The following CBFA2T2 variants were observed in gnomAD, a reference collection of about 807,000 sequenced individuals.
The protein encoded by CBFA2T2 is CBFA2/RUNX1 partner transcriptional co-repressor 2.
A neutral mutation model predicts 62.2 loss-of-function variants in CBFA2T2; 11 were observed. The observed-to-expected ratio is 0.18, with a 90% confidence interval of 0.11 to 0.29. The LOEUF is 0.29. Among genes scored for constraint, CBFA2T2 ranks in the 10% least tolerant of loss-of-function variants. CBFA2T2 has a pLI of 1.00. For synonymous variants in CBFA2T2, 295 were observed against 287.5 expected, an observed-to-expected ratio of 1.03 and a Z score of -0.27; for missense variants, 592 against 774.1, an observed-to-expected ratio of 0.76 and a Z score of 2.79.
intron 1 of CBFA2T2, among the ~76,000 whole-genome samples, chr20:33,496,035 A>G (rs928406742): frequency 2.6e-5 from 4 of 152,210 alleles, no homozygotes; most frequent in Non-Finnish European, 5.9e-5. Context: ...GTCAACAGGT[A>G]ATGATAAAGT....
chr20:33,647,877 A>C lies in CBFA2T2; in HGVS notation c.*3231A>C, dbSNP rs989911685. ...ATTCCACACTGAAGCTCAGTTTGCA[A>C]ACCTTCTGCTGTGTTAATTCTGGTC... is the stretch of plus-strand genomic sequence containing the variant. On this transcript the variant is annotated 3_prime_UTR_variant, in exon 11 of 11. Transcript: ENST00000342704. 2 of 152,238 alleles carry C rather than the reference A, an allele frequency of 1.3e-5. No individual in the cohort carries two copies. The highest frequency in any genetic ancestry group is 2.9e-5 in the Non-Finnish European group (2 of 68,048). The allele number at this position is 152,238 out of a possible 1,614,324, so 9.4% of individuals were successfully genotyped here.
At chr20:33,526,765 A>G (rs1228745663) in intron 1 of CBFA2T2, among the ~76,000 whole-genome samples, 1 of 152,188 alleles carries the variant, frequency 6.6e-6, no homozygotes, top group Non-Finnish European at 1.5e-5. Context: ...CAATAAGGGA[A>G]ATATATATCT....
intron 1 of CBFA2T2, among the ~76,000 whole-genome samples, chr20:33,507,814 T>TCC (rs1299578548): frequency 6.6e-6 from 1 of 152,172 alleles, no homozygotes; most frequent in Non-Finnish European, 1.5e-5. Context: ...TAGAGTAAAT[T>TCC]CCTAGAAGTA....
At chr20:33,494,233 A>G (rs1460796985) in intron 1 of CBFA2T2, among the ~76,000 whole-genome samples, 2 of 12,700 alleles carry the variant, frequency 1.6e-4, no homozygotes, top group Middle Eastern at 0.042. Flanking sequence ...TGTATTAGGC[A>G]TATATATGTG....
chr20:33,637,224 A>G (rs1320447395), intron 9 of CBFA2T2, among the ~76,000 whole-genome samples: 6 of 152,208 alleles, frequency 3.9e-5, no homozygotes, highest in Non-Finnish European at 8.8e-5. Context: ...TTGTAAGTTC[A>G]AGGATGAACC....
intron 6 of CBFA2T2, among the ~76,000 whole-genome samples, chr20:33,625,247 C>G (rs2016178883): frequency 6.6e-6 from 1 of 151,882 alleles, no homozygotes; most frequent in South Asian, 2.1e-4. Context: ...TGTCTGTAAT[C>G]CCAGCTCTTA....
rs78806056 is a variant in CBFA2T2, at chr20:33,505,431, A to G, written c.34+15130A>G. Among the ~76,000 whole-genome samples, 803 of 152,298 alleles carry G rather than the reference A, an allele frequency of 5.3e-3. 10 individuals are homozygous for G. Among genetic ancestry groups the G allele is most frequent in the African/African-American group, 0.018 (754 of 41,568 alleles). ...TAATTTTATAGTACTCTCCATTTGT[A>G]GTGGTTTCCATAGTTGTTTATGGGA... On this transcript the variant is annotated intron_variant, in intron 1 of 10. Transcript: ENST00000342704.
chr20:33,563,316 G>A (rs755705202), intron 1 of CBFA2T2, among the ~76,000 whole-genome samples: 14 of 152,084 alleles, frequency 9.2e-5, no homozygotes, highest in African/African-American at 1.7e-4. Flanking sequence ...ATATAACTAC[G>A]TACTGTGTTC....
At position 33,515,801 on chromosome 20, in the gene CBFA2T2, C is replaced by CAAA. The variant is rs61686638; in HGVS notation, c.34+25518_34+25520dup. 3.5e-4 allele frequency among the ~76,000 whole-genome samples: 26 copies of CAAA among 75,142 alleles called. 1 individual carries two copies. The highest frequency in any genetic ancestry group is 4.0e-4 in the Non-Finnish European group (16 of 40,484). The allele number at this position is 75,142 out of a possible 152,430, so 49.3% of individuals were successfully genotyped here. ...GGGCCACAAGAGGGAGACTCCATCTCAAAAAAAAAAAAAAAAAAAACGGGG... is the reference window on the plus strand; with the variant it reads ...GGGCCACAAGAGGGAGACTCCATCTCAAAAAAAAAAAAAAAAAAAAAAACGGGG... On this transcript the variant is annotated intron_variant, in intron 1 of 10. Coordinates refer to ENST00000342704, the MANE Select transcript of CBFA2T2 (RefSeq NM_001032999.3).
intron 1 of CBFA2T2, among the ~76,000 whole-genome samples, chr20:33,559,172 CTTTTTTT>C (rs376048540): frequency 1.5e-4 from 13 of 87,622 alleles, no homozygotes; most frequent in Non-Finnish European, 1.6e-4. Flanking sequence ...TTTTTCCTTT[CTTTTTTT>C]TTTTTTTTTT....
At chr20:33,642,110 T>TGTGTGTG (rs2016866541) in intron 10 of CBFA2T2, among the ~76,000 whole-genome samples, 1 of 77,046 alleles carries the variant, frequency 1.3e-5, no homozygotes, top group Admixed American at 1.4e-4. Context: ...TTTGTCTTTT[T>TGTGTGTG]TTTTTTTGTG....
At chr20:33,500,320 CAT>C (rs1000329448) in intron 1 of CBFA2T2, among the ~76,000 whole-genome samples, 19 of 152,050 alleles carry the variant, frequency 1.2e-4, no homozygotes, top group Admixed American at 3.3e-4. Context: ...GGTTTTTAGA[CAT>C]GTGTTCTACA....
intron 3 of CBFA2T2, among the ~76,000 whole-genome samples, chr20:33,619,241 C>T (rs908911241): frequency 3.3e-5 from 5 of 151,714 alleles, no homozygotes; most frequent in Admixed American, 6.6e-5. Context: ...ATAAAAAGAC[C>T]GGGCGCGGTG....
At position 33,552,844 on chromosome 20, in the gene CBFA2T2, G is replaced by T. The variant is rs981085844; in HGVS notation, c.35-54112G>T. Among the ~76,000 whole-genome samples, 27 of 151,936 alleles carry T rather than the reference G, an allele frequency of 1.8e-4. 1 individual carries two copies. Among genetic ancestry groups the T allele is most frequent in the Non-Finnish European group, 1.5e-5 (1 of 67,994 alleles). ...CTAGTCATACCTTTTACCATCTCAG[G>T]GTTCCTATATTATTCTGTTCCCTCT... is the stretch of plus-strand genomic sequence containing the variant. On this transcript the variant is annotated intron_variant, in intron 1 of 10. Coordinates refer to ENST00000342704, the MANE Select transcript of CBFA2T2 (RefSeq NM_001032999.3).
At chr20:33,520,870 A>G (rs574669933) in intron 1 of CBFA2T2, among the ~76,000 whole-genome samples, 1 of 151,572 alleles carries the variant, frequency 6.6e-6, no homozygotes, top group African/African-American at 2.4e-5. Context: ...GTTTTCGTTT[A>G]TTTGTTCAGG....
rs2012510983 is a variant in CBFA2T2, at chr20:33,545,020, CAGAAT to C, written c.34+54720_34+54724del. On this transcript the variant is annotated intron_variant, in intron 1 of 10. Coordinates refer to ENST00000342704, the MANE Select transcript of CBFA2T2 (RefSeq NM_001032999.3). ...TAGAATAGAATAGAATAGAACAGAA[CAGAAT>C]GCAAGGTAGACAGGCAGTCCCAACT... 4.2e-5 allele frequency among the ~76,000 whole-genome samples: 6 copies of C among 143,946 alleles called. No individual in the cohort carries two copies. The South Asian group carries it at 1.1e-3, about 27-fold the overall frequency. The allele number at this position is 143,946 out of a possible 152,430, so 94.4% of individuals were successfully genotyped here.
chr20:33,576,324 C>T (rs2013825210), intron 1 of CBFA2T2, among the ~76,000 whole-genome samples: 1 of 152,136 alleles, frequency 6.6e-6, no homozygotes, highest in South Asian at 2.1e-4. Context: ...GATACTGGAA[C>T]TTAGGAGTTT....
chr20:33,636,445 A>AT (rs2016634593), intron 8 of CBFA2T2, among the ~76,000 whole-genome samples, 195 bp from the exon 9 acceptor site: 1 of 152,120 alleles, frequency 6.6e-6, no homozygotes, highest in Non-Finnish European at 1.5e-5. Context: ...TGTTCATTTG[A>AT]TGGGGGTGTG....
At chr20:33,632,030 T>TTTTG (rs369700333) in intron 8 of CBFA2T2, among the ~76,000 whole-genome samples, 7 of 152,036 alleles carry the variant, frequency 4.6e-5, no homozygotes, top group Non-Finnish European at 8.8e-5. Flanking sequence ...AATTAGTTCT[T>TTTTG]TTTGTTTGTT....
Sources: gnomAD v4.1 joint callset for allele counts (sites outside exome capture counted in the v4.1 genomes callset) on GRCh38, gnomAD v4.1.1 for gene constraint, MANE v1.5 for transcripts, NCBI Gene and HGNC (gene_info 2026-07-23, HGNC 2026-07-21) for gene names.